SNX29: variants seen among roughly 807,000 people sequenced by gnomAD.
SNX29 encodes sorting nexin 29, also known as sorting nexin-29.
SNX29 carries 78 observed loss-of-function variants against 102.1 expected under a neutral mutation model. The ratio of observed to expected loss-of-function variants is 0.76; its 90% confidence interval spans 0.64 to 0.92. The LOEUF (loss-of-function observed/expected upper bound fraction) is 0.92, where lower values mean the gene tolerates loss of function less well. SNX29 is among the 40% of genes least tolerant of loss of function. The pLI is 0.00. For missense variants in SNX29, 1,280 were observed against 1,061.7 expected, an observed-to-expected ratio of 1.21 and a Z score of -2.86; for synonymous variants, 580 against 414.5, an observed-to-expected ratio of 1.40 and a Z score of -4.85.
At chr16:12,280,792 G>T (rs1051243621) in intron 15 of SNX29, among the ~76,000 whole-genome samples, 1 of 152,188 alleles carries the variant, frequency 6.6e-6, no homozygotes, top group Non-Finnish European at 1.5e-5. Context: ...TTAATGGGTT[G>T]ATTTTTACCA....
In SNX29 at chr16:12,377,807, C is replaced by A. The variant is rs181114603; in HGVS notation, c.1900-20639C>A. Among the ~76,000 whole-genome samples, 120 of 152,250 alleles carry A rather than the reference C, an allele frequency of 7.9e-4. 1 individual carries two copies. The highest frequency in any genetic ancestry group is 2.7e-3 in the African/African-American group (113 of 41,548). On this transcript the variant is annotated intron_variant, in intron 16 of 20. Transcript: ENST00000566228. ...TTTTCAGTTTCCTGAGTTGTAGGTA[C>A]CGTGCTTTGAACTCAGGATCAAAGA...
chr16:12,547,021 G>A (rs1009274975), intron 20 of SNX29, among the ~76,000 whole-genome samples: 1 of 151,156 alleles, frequency 6.6e-6, no homozygotes, highest in Non-Finnish European at 1.5e-5. Flanking sequence ...TAGTTCAACA[G>A]CAGATAAAGC....
At chr16:12,535,569 T>C (rs1248812028) in intron 20 of SNX29, among the ~76,000 whole-genome samples, 1 of 152,114 alleles carries the variant, frequency 6.6e-6, no homozygotes, top group Admixed American at 6.5e-5. Flanking sequence ...ATGGGGAGTG[T>C]GAGCTGGGTA....
At chr16:12,539,416 G>T (rs1303660046) in intron 20 of SNX29, among the ~76,000 whole-genome samples, 2 of 152,144 alleles carry the variant, frequency 1.3e-5, no homozygotes, top group African/African-American at 4.8e-5. Context: ...CAAGTCGTTG[G>T]GTGAGTCAGC....
intron 20 of SNX29, among the ~76,000 whole-genome samples, chr16:12,559,367 C>G (rs1333996390): frequency 6.6e-6 from 1 of 151,410 alleles, no homozygotes; most frequent in Non-Finnish European, 1.5e-5. Context: ...AATCTCATGC[C>G]TGATGATCTC....
chr16:12,567,442 C>T (rs145565797), intron 20 of SNX29, among the ~76,000 whole-genome samples: 50 of 152,300 alleles, frequency 3.3e-4, no homozygotes, highest in African/African-American at 1.2e-3. Context: ...ACATTCCTAG[C>T]CCCAGAATTT....
In SNX29 at chr16:12,574,198, A is replaced by G. The variant is rs745539927; in HGVS notation, c.*5569A>G. ...TTGTATTAAAATTTTCTTTTGGAAT[A>G]AGCTGTGGAAATTTTGTTACAACCT... is the stretch of plus-strand genomic sequence containing the variant. On this transcript the variant is annotated 3_prime_UTR_variant, in exon 21 of 21. Transcript: ENST00000566228. The G allele has an allele frequency of 5.6e-6, 1 of 178,378 alleles. No homozygotes were observed. Among genetic ancestry groups the G allele is most frequent in the Admixed American group, 6.3e-5 (1 of 15,852 alleles). The allele number at this position is 178,378 out of a possible 1,614,324, so 11.0% of individuals were successfully genotyped here. A position where few individuals can be genotyped will look rare whatever the true frequency, so the allele number is the denominator to read the frequency against.
At chr16:12,117,153 CGGACGAACCATGGAA>C (rs1399655752) in intron 11 of SNX29, among the ~76,000 whole-genome samples, 2 of 145,956 alleles carry the variant, frequency 1.4e-5, no homozygotes, top group African/African-American at 2.5e-5. Context: ...TGCTTCAGTG[CGGACGAACCATGGAA>C]ACAGGCACGG....
At chr16:12,188,769 T>C (rs2076574751) in intron 13 of SNX29, among the ~76,000 whole-genome samples, 2 of 152,152 alleles carry the variant, frequency 1.3e-5, no homozygotes, top group African/African-American at 4.8e-5. Flanking sequence ...CCCCTCCAGC[T>C]GGCAGAAATG....
intron 18 of SNX29, among the ~76,000 whole-genome samples, chr16:12,437,931 C>T (rs887205794): frequency 5.9e-5 from 9 of 151,980 alleles, no homozygotes; most frequent in Admixed American, 2.0e-4. Context: ...AGGGCCCCAG[C>T]GGTCCATCTG....
chr16:12,167,673 A>G (rs1478191280), intron 13 of SNX29, among the ~76,000 whole-genome samples: 3 of 152,192 alleles, frequency 2.0e-5, no homozygotes, highest in African/African-American at 7.2e-5. Flanking sequence ...GGTAGGTAGA[A>G]GTACCACTGC....
At chr16:12,540,841 C>G (rs889518726) in intron 20 of SNX29, among the ~76,000 whole-genome samples, 2 of 152,188 alleles carry the variant, frequency 1.3e-5, no homozygotes, top group African/African-American at 2.4e-5. Context: ...ACAAGATCGC[C>G]TCCACCCTTT....
intron 19 of SNX29, among the ~76,000 whole-genome samples, chr16:12,499,390 G>C (rs887020501): frequency 2.6e-5 from 4 of 152,210 alleles, no homozygotes; most frequent in Non-Finnish European, 5.9e-5. Flanking sequence ...AGTAATGCCA[G>C]CACCCGAGCA....
At chr16:12,562,595 A>G (rs1362917113) in intron 20 of SNX29, among the ~76,000 whole-genome samples, 1 of 152,210 alleles carries the variant, frequency 6.6e-6, no homozygotes, top group Non-Finnish European at 1.5e-5. Context: ...AGACGGGGAC[A>G]AAGGTCGCTG....
chr16:11,997,446 C>CT (rs2151007965), intron 1 of SNX29, among the ~76,000 whole-genome samples: 1 of 151,934 alleles, frequency 6.6e-6, no homozygotes, highest in South Asian at 2.1e-4. Flanking sequence ...GTGTGACTCT[C>CT]TAACACTTTT....
intron 14 of SNX29, among the ~76,000 whole-genome samples, chr16:12,230,052 C>A (rs1158681985): frequency 6.6e-6 from 1 of 152,174 alleles, no homozygotes; most frequent in Non-Finnish European, 1.5e-5. Context: ...GTGGGCTTGG[C>A]TGTATGCCAA....
chr16:12,535,577 G>A (rs1015284946), intron 20 of SNX29, among the ~76,000 whole-genome samples: 2 of 152,116 alleles, frequency 1.3e-5, no homozygotes, highest in Non-Finnish European at 2.9e-5. Flanking sequence ...TGTGAGCTGG[G>A]TATGCACGAT....
chr16:12,564,169 C>T (rs546011991), intron 20 of SNX29, among the ~76,000 whole-genome samples: 2 of 152,144 alleles, frequency 1.3e-5, no homozygotes, highest in South Asian at 4.2e-4. Context: ...TAGAGGATTG[C>T]TTGAGTTCAG....
At chr16:12,515,647 C>G in intron 19 of SNX29, 2 of 483,888 alleles carry the variant, frequency 4.1e-6, no homozygotes, top group South Asian at 3.1e-5. Context: ...CCACCCAAGC[C>G]AAGTCCATCT....
Sources: allele counts gnomAD v4.1 joint callset (sites outside exome capture counted in the v4.1 genomes callset), GRCh38; gene constraint gnomAD v4.1.1; transcripts MANE v1.5; gene names NCBI Gene and HGNC (gene_info 2026-07-23, HGNC 2026-07-21).